The following GPC5 variants were observed in gnomAD, a reference collection of about 807,000 sequenced individuals.
The protein encoded by GPC5 is glypican-5.
GPC5 carries 47 observed loss-of-function variants against 53.9 expected under a neutral mutation model. The ratio of observed to expected loss-of-function variants is 0.87; its 90% CI spans 0.69 to 1.11. GPC5 has a LOEUF of 1.11. Among genes scored for constraint, GPC5 ranks in the 50% most tolerant of loss-of-function variants. The probability of loss-of-function intolerance (pLI) is 0.00; values close to 1 mark genes in which losing one functional copy is unlikely to be tolerated. For missense variants in GPC5, 748 were observed against 713.1 expected, an observed-to-expected ratio of 1.05 and a Z score of -0.56; for synonymous variants, 286 against 263.3, an observed-to-expected ratio of 1.09 and a Z score of -0.84.
intron 7 of GPC5, among the ~76,000 whole-genome samples, chr13:92,531,491 A>G (rs1345966393): frequency 1.3e-5 from 2 of 149,914 alleles, no homozygotes; most frequent in South Asian, 2.1e-4. Context: ...ATATAAAGAG[A>G]TATATGTTTA....
chr13:92,352,670 T>C (rs1489261300), intron 7 of GPC5, among the ~76,000 whole-genome samples: 5 of 152,220 alleles, frequency 3.3e-5, no homozygotes, highest in Admixed American at 6.5e-5. Flanking sequence ...TTCCACCTAT[T>C]GTATCACCAA....
chr13:91,872,917 A>T (rs1188089332), intron 5 of GPC5, among the ~76,000 whole-genome samples: 3 of 152,188 alleles, frequency 2.0e-5, no homozygotes, highest in Admixed American at 6.5e-5. Flanking sequence ...GGTTTTACTT[A>T]AAAAACCAGC....
At chr13:92,318,266 T>G (rs1256516556) in intron 7 of GPC5, among the ~76,000 whole-genome samples, 1 of 152,154 alleles carries the variant, frequency 6.6e-6, no homozygotes, top group Non-Finnish European at 1.5e-5. Context: ...ACTGGCTTGC[T>G]TAGAACACAC....
At chr13:91,682,664 C>G (rs1253299963) in intron 2 of GPC5, among the ~76,000 whole-genome samples, 2 of 152,172 alleles carry the variant, frequency 1.3e-5, no homozygotes, top group African/African-American at 4.8e-5. Flanking sequence ...CCAGGAAAGG[C>G]AGGAGGGTAC....
intron 7 of GPC5, among the ~76,000 whole-genome samples, chr13:92,798,208 T>C (rs1876771598): frequency 6.6e-6 from 1 of 151,826 alleles, no homozygotes; most frequent in Admixed American, 6.6e-5. Context: ...GTTTTTTGGG[T>C]ATTTTTTTGT....
chr13:92,006,264 A>C (rs1328410560), intron 6 of GPC5, among the ~76,000 whole-genome samples: 1 of 152,170 alleles, frequency 6.6e-6, no homozygotes, highest in Non-Finnish European at 1.5e-5. Flanking sequence ...TACCAAAATA[A>C]TTTAAGTGGA....
intron 2 of GPC5, among the ~76,000 whole-genome samples, chr13:91,650,469 A>G (rs1362049703): frequency 1.3e-5 from 2 of 149,466 alleles, no homozygotes; most frequent in Non-Finnish European, 1.5e-5. Context: ...TACCAAGATC[A>G]TCTTTGTTTA....
intron 7 of GPC5, among the ~76,000 whole-genome samples, chr13:92,323,740 C>A (rs943231837): frequency 2.6e-5 from 4 of 151,628 alleles, no homozygotes; most frequent in Non-Finnish European, 5.9e-5. Context: ...TTTGTAAAAT[C>A]AATAAATCAA....
At chr13:92,357,714 T>A (rs1045105574) in intron 7 of GPC5, among the ~76,000 whole-genome samples, 3 of 151,474 alleles carry the variant, frequency 2.0e-5, no homozygotes, top group African/African-American at 4.9e-5. Context: ...AGGAGGCACA[T>A]GGCCAGAGCA....
At chr13:92,324,735 T>A (rs2043238952) in intron 7 of GPC5, among the ~76,000 whole-genome samples, 1 of 151,882 alleles carries the variant, frequency 6.6e-6, no homozygotes, top group Non-Finnish European at 1.5e-5. Flanking sequence ...GTACTATATA[T>A]CATTCTACTT....
At chr13:92,849,231 C>T (rs1878711502) in intron 7 of GPC5, among the ~76,000 whole-genome samples, 1 of 152,122 alleles carries the variant, frequency 6.6e-6, no homozygotes, top group African/African-American at 2.4e-5. Flanking sequence ...TGTTGCTCTT[C>T]TTCTTAGAAA....
At chr13:92,604,311 G>C (rs11841896) in intron 7 of GPC5, among the ~76,000 whole-genome samples, 2,871 of 152,150 alleles carry the variant, frequency 0.019, 105 homozygotes, top group African/African-American at 0.066. Flanking sequence ...TCAGAAATCA[G>C]TATCTATCTA....
At chr13:92,122,654 C>T (rs534505216) in intron 6 of GPC5, among the ~76,000 whole-genome samples, 17 of 149,290 alleles carry the variant, frequency 1.1e-4, no homozygotes, top group African/African-American at 1.7e-4. Context: ...ATTGCTGTTA[C>T]GCAATGGATA....
chr13:92,342,292 A>C (rs2043373468), intron 7 of GPC5, among the ~76,000 whole-genome samples: 1 of 152,144 alleles, frequency 6.6e-6, no homozygotes, highest in African/African-American at 2.4e-5. Context: ...GGAATATTGC[A>C]GTAGCCTCCT....
At chr13:92,339,560 A>T (rs71427559) in intron 7 of GPC5, among the ~76,000 whole-genome samples, 1,527 of 152,198 alleles carry the variant, frequency 0.01, 27 homozygotes, top group Middle Eastern at 0.048. Context: ...ATAGTATTAT[A>T]ACTACCCAAT....
At chr13:91,738,641 T>C (rs564625469) in intron 4 of GPC5, among the ~76,000 whole-genome samples, 1 of 151,502 alleles carries the variant, frequency 6.6e-6, no homozygotes, top group South Asian at 2.1e-4. Context: ...TTATTATTTT[T>C]ATCCTTTTAT....
At chr13:91,402,550 G>A (rs1429325753) in intron 1 of GPC5, among the ~76,000 whole-genome samples, 2 of 152,142 alleles carry the variant, frequency 1.3e-5, no homozygotes, top group Non-Finnish European at 2.9e-5. Flanking sequence ...TTGTAGTTCT[G>A]CTTCATAGAC....
intron 2 of GPC5, among the ~76,000 whole-genome samples, chr13:91,677,647 T>C (rs75383716): frequency 0.02 from 3,079 of 152,288 alleles, 105 homozygotes; most frequent in African/African-American, 0.07. Context: ...CATTAAGGGA[T>C]TTTATTCTTA....
chr13:92,270,513 A>G (rs985802579), intron 7 of GPC5, among the ~76,000 whole-genome samples: 1 of 152,182 alleles, frequency 6.6e-6, no homozygotes, highest in South Asian at 2.1e-4. Flanking sequence ...CAGGCAGATG[A>G]GTCTTTTACA....
Sources: gnomAD v4.1 joint callset for allele counts (sites outside exome capture counted in the v4.1 genomes callset) on GRCh38, gnomAD v4.1.1 for gene constraint, MANE v1.5 for transcripts, NCBI Gene and HGNC (gene_info 2026-07-23, HGNC 2026-07-21) for gene names.